ATAD1: variants seen among roughly 807,000 people sequenced by gnomAD.
ATAD1 encodes the protein outer mitochondrial transmembrane helix translocase.
Under a neutral mutation model 42.7 loss-of-function variants are expected in ATAD1, and 18 were observed. That is an observed-to-expected ratio of 0.42 (90% CI 0.29 to 0.63). ATAD1 has a LOEUF of 0.63. Ranked by LOEUF, ATAD1 falls within the 20% of genes least tolerant of loss-of-function variation. The pLI is 0.19. For synonymous variants in ATAD1, 132 were observed against 143.1 expected (o/e 0.92, Z 0.55); for missense variants, 294 against 440.4 (o/e 0.67, Z 2.98).
intron 1 of ATAD1, among the ~76,000 whole-genome samples, chr10:87,833,733 T>G (rs1303078377): frequency 6.8e-6 from 1 of 146,538 alleles, no homozygotes; most frequent in African/African-American, 2.5e-5. Flanking sequence ...TTTCCTTTTT[T>G]TTTTTTTTTT....
At chr10:87,767,206 G>A (rs928452788) in intron 8 of ATAD1, among the ~76,000 whole-genome samples, 1 of 152,114 alleles carries the variant, frequency 6.6e-6, no homozygotes, top group Non-Finnish European at 1.5e-5. Context: ...TAGTTACTGA[G>A]TTACATAAGC....
At chr10:87,813,099 T>C (rs1857258639) in intron 2 of ATAD1, among the ~76,000 whole-genome samples, 1 of 152,222 alleles carries the variant, frequency 6.6e-6, no homozygotes, top group South Asian at 2.1e-4. Context: ...TAATTTTCAA[T>C]GAAGGCTTGT....
At chr10:87,759,836 A>G (rs764105505) in intron 8 of ATAD1, 3 of 450,396 alleles carry the variant, frequency 6.7e-6, no homozygotes, top group South Asian at 4.7e-5. Context: ...AGGATTAAAT[A>G]AAACAATGTA....
chr10:87,765,073 A>C (rs997888655), intron 8 of ATAD1, among the ~76,000 whole-genome samples: 4 of 152,156 alleles, frequency 2.6e-5, no homozygotes, highest in African/African-American at 7.2e-5. Context: ...AAAAAAAAAG[A>C]ATCCTTTTCT....
Position 87,798,625 on chromosome 10 carries a change from G to GGTGTGTGTGTGTGTGTGTGTGT in ATAD1, c.163-5892_163-5871dup, listed in dbSNP as rs71022506. On this transcript the variant is annotated intron_variant, in intron 2 of 9. Coordinates refer to ENST00000680024, the MANE Select transcript of ATAD1 (RefSeq NM_001321967.2). ...AAGTTCCAAAGTAAAAGCTATAGGG[G>GGTGTGTGTGTGTGTGTGTGTGT]GTGTGTGTGTGTGTGTGTGTGTGTG... Among the ~76,000 whole-genome samples the GGTGTGTGTGTGTGTGTGTGTGT allele has an allele frequency of 5.1e-3, 643 of 124,890 alleles. 10 individuals carry two copies. Among genetic ancestry groups the GGTGTGTGTGTGTGTGTGTGTGT allele is most frequent in the Non-Finnish European group, 7.3e-3 (422 of 57,734 alleles). The allele number at this position is 124,890 out of a possible 152,430, so 81.9% of individuals were successfully genotyped here.
intron 1 of ATAD1, among the ~76,000 whole-genome samples, chr10:87,826,890 C>T (rs1410655564): frequency 6.6e-6 from 1 of 152,188 alleles, no homozygotes. Context: ...GGATTTGCAG[C>T]ACCTGAACAC....
intron 2 of ATAD1, among the ~76,000 whole-genome samples, chr10:87,807,091 C>G (rs1353231954): frequency 6.6e-6 from 1 of 152,172 alleles, no homozygotes; most frequent in African/African-American, 2.4e-5. Context: ...ATGCTTGATA[C>G]ATGTTAATAA....
At chr10:87,756,977 A>G (rs560151505) in intron 8 of ATAD1, 55 bp from the exon 9 acceptor site, 1 of 1,415,804 alleles carries the variant, frequency 7.1e-7, no homozygotes, top group East Asian at 2.6e-5. Context: ...ATTGTAAATG[A>G]TACTACCAAA....
intron 8 of ATAD1, among the ~76,000 whole-genome samples, chr10:87,761,248 C>A (rs1854470717): frequency 6.6e-6 from 1 of 152,078 alleles, no homozygotes; most frequent in Admixed American, 6.5e-5. Context: ...AAATACCAAC[C>A]AGTGGGAAAT....
At chr10:87,818,309 AGGG>A (rs1268934656), upstream of ATAD1, 2 of 964,160 alleles carry the variant, frequency 2.1e-6, no homozygotes, top group African/African-American at 1.8e-5. Flanking sequence ...GCCGGCGCGG[AGGG>A]GGCGTGCTCC....
chr10:87,780,003 C>A (rs1346019197), intron 5 of ATAD1, among the ~76,000 whole-genome samples: 1 of 152,180 alleles, frequency 6.6e-6, no homozygotes, highest in Non-Finnish European at 1.5e-5. Context: ...CAACCTGTGT[C>A]CACAGGAAAA....
chr10:87,769,029 A>G (rs1210807494), intron 7 of ATAD1, among the ~76,000 whole-genome samples: 1 of 152,240 alleles, frequency 6.6e-6, no homozygotes, highest in Non-Finnish European at 1.5e-5. Flanking sequence ...GCAGTGGGCT[A>G]TAATTTATAA....
At position 87,751,988 on chromosome 10, in the gene ATAD1, C is replaced by T. The variant is rs537375532; in HGVS notation, c.*2699G>A. 7.2e-5 allele frequency: 11 copies of T among 152,258 alleles called. No individual in the cohort carries two copies. The South Asian group carries it at 2.3e-3, about 32-fold the overall frequency. 9.4% of individuals were successfully genotyped at this position (152,258 alleles called of 1,614,324 possible). On this transcript the variant is annotated 3_prime_UTR_variant, in exon 10 of 10. Coordinates refer to ENST00000680024, the MANE Select transcript of ATAD1 (RefSeq NM_001321967.2). ...ACACAAGCACACTCACGGCTTGAGACATCCTCATCTAGCATTAAACCTGTA... is the reference window on the plus strand; with the variant it reads ...ACACAAGCACACTCACGGCTTGAGATATCCTCATCTAGCATTAAACCTGTA...
rs142401779 is a variant in ATAD1 at position 87,827,674 on chromosome 10, C to G, written c.-13-13062G>C. 5.2e-3 allele frequency among the ~76,000 whole-genome samples: 797 copies of G among 152,290 alleles called. 6 individuals carry two copies. Among genetic ancestry groups the G allele is most frequent in the South Asian group, 0.019 (92 of 4,828 alleles). On this transcript the variant is annotated intron_variant, in intron 1 of 4. Transcript: ENST00000495903. ...TAATAAATGTTGTGTTCTGACTGCT[C>G]TACCAACCAGTCATTCTCCTGTCCC...
At chr10:87,798,970 G>A (rs1428193822) in intron 2 of ATAD1, among the ~76,000 whole-genome samples, 1 of 152,024 alleles carries the variant, frequency 6.6e-6, no homozygotes, top group Non-Finnish European at 1.5e-5. Flanking sequence ...TGTACACAAT[G>A]TTTCACTACT....
At chr10:87,812,208 C>G (rs1456249093) in intron 2 of ATAD1, among the ~76,000 whole-genome samples, 1 of 152,202 alleles carries the variant, frequency 6.6e-6, no homozygotes, top group Non-Finnish European at 1.5e-5. Flanking sequence ...CATTGTATAT[C>G]ACCCACCCAT....
intron 2 of ATAD1, among the ~76,000 whole-genome samples, chr10:87,807,913 C>T (rs1032628262): frequency 2.6e-5 from 4 of 152,022 alleles, no homozygotes; most frequent in African/African-American, 7.2e-5. Context: ...TACAACAAAA[C>T]GAAAATCTGC....
chr10:87,810,842 G>C (rs539866674), intron 2 of ATAD1, among the ~76,000 whole-genome samples: 14 of 152,116 alleles, frequency 9.2e-5, no homozygotes, highest in African/African-American at 2.9e-4. Flanking sequence ...AGATTTATAG[G>C]AGTATCATCT....
At chr10:87,802,368 C>T (rs1856740090) in intron 2 of ATAD1, among the ~76,000 whole-genome samples, 1 of 152,070 alleles carries the variant, frequency 6.6e-6, no homozygotes, top group Non-Finnish European at 1.5e-5. Flanking sequence ...GCCCAGGAGC[C>T]CCAAGTTTAT....
Sources: gnomAD v4.1 joint callset for allele counts (sites outside exome capture counted in the v4.1 genomes callset) on GRCh38, gnomAD v4.1.1 for gene constraint, MANE v1.5 for transcripts, NCBI Gene and HGNC (gene_info 2026-07-23, HGNC 2026-07-21) for gene names.